TBX10: variants seen among roughly 807,000 people sequenced by gnomAD.
TBX10 encodes the protein T-box transcription factor TBX10.
In TBX10, 26 loss-of-function variants were observed where a neutral mutation model predicts 32.4. The observed-to-expected ratio is 0.80, with a 90% CI of 0.59 to 1.11. TBX10 has a LOEUF of 1.11. Among genes scored for constraint, TBX10 ranks in the 50% most tolerant of loss-of-function variants. The pLI, the probability that TBX10 is intolerant of heterozygous loss-of-function variation, is 0.00. For synonymous variants in TBX10, 195 were observed against 203.1 expected, an observed-to-expected ratio of 0.96 and a Z score of 0.34; for missense variants, 490 against 494.5, an observed-to-expected ratio of 0.99 and a Z score of 0.09.
chr11:67,632,214 G>C, intron 7 of TBX10, 104 bp downstream of exon 7: 1 of 1,329,926 alleles, frequency 7.5e-7, no homozygotes. Context: ...GGGCCCTGTG[G>C]GTTCGCTGAG....
At position 67,634,799 on chromosome 11, in the gene TBX10, C is replaced by T; in HGVS notation, c.377+17G>A. On this transcript the variant is annotated intron_variant, in intron 3 of 7. Coordinates refer to ENST00000335385, the MANE Select transcript of TBX10 (RefSeq NM_005995.5). ...GCACCTGAGACCTGAGCCTTTGCCC[C>T]AGGCCGGTCCCCGCACCTGTATCTC... is the stretch of plus-strand genomic sequence containing the variant. 1.2e-6 allele frequency: 2 copies of T among 1,612,816 alleles called. No homozygotes were observed. The highest frequency in any genetic ancestry group is 2.2e-5 in the East Asian group (1 of 44,882).
rs1220985383 is a variant in TBX10, at chr11:67,634,236, A to G, written c.502T>C (p.Phe168Leu). The change falls in exon 4 of 8, where the codon TTT becomes CTT. Residue 168 changes from phenylalanine to leucine, a missense_variant. Phe to Leu is a conservative substitution (Grantham distance 22). This residue lies in a region of TBX10 where 307 missense variants were observed against 294.9 expected (regional missense o/e 1.04). Transcript: ENST00000335385. ...GAQWMRQIVS[F>L]DKLKLTNNLL... ...TTGTTGGTCAGCTTGAGCTTGTCAA[A>G]GGACACAATCTGGCGCATCCACTGG... The G allele has an allele frequency of 6.2e-7, 1 of 1,613,180 alleles. No individual in the cohort carries two copies. Among genetic ancestry groups the G allele is most frequent in the Non-Finnish European group, 8.5e-7 (1 of 1,179,992 alleles).
upstream of TBX10, among the ~76,000 whole-genome samples, chr11:67,640,953 C>T (rs1039726722): frequency 2.6e-5 from 4 of 152,120 alleles, no homozygotes; most frequent in African/African-American, 4.8e-5. Context: ...GGAGGAGGGC[C>T]GGCCCCTGGC....
At chr11:67,633,403 G>C (rs1855271202) in intron 4 of TBX10, among the ~76,000 whole-genome samples, 1 of 152,066 alleles carries the variant, frequency 6.6e-6, no homozygotes, top group African/African-American at 2.4e-5. Flanking sequence ...CCTGTCCCCT[G>C]TCCCCGCCTT....
chr11:67,632,673 G>T lies in TBX10; in HGVS notation c.706-3C>A. On this transcript the variant is annotated splice_region_variant and splice_polypyrimidine_tract_variant and intron_variant, in intron 5 of 7. Coordinates refer to ENST00000335385, the MANE Select transcript of TBX10 (RefSeq NM_005995.5). ...CTGGCGATTTTCAGCTGGGTGATCT[G>T]CAGGAGACAAAGTGCAGTTGTGGGC... 1 of 1,614,000 alleles carries T rather than the reference G, an allele frequency of 6.2e-7. No homozygotes were observed. The highest frequency in any genetic ancestry group is 2.2e-5 in the East Asian group (1 of 44,888).
rs11227875 is a variant in TBX10, at chr11:67,636,232, C to G, written c.8-969G>C. On this transcript the variant is annotated intron_variant, in intron 1 of 7. Coordinates refer to ENST00000335385, the MANE Select transcript of TBX10 (RefSeq NM_005995.5). ...AAGTAGCTGGGACTATAGGTGCACA[C>G]CACCACACACGGCTACTTTTTTTTT... Among the ~76,000 whole-genome samples, 284 of 144,264 alleles carry G rather than the reference C, an allele frequency of 2.0e-3. 6 individuals are homozygous for G. In the East Asian group the frequency reaches 0.054, roughly 27 times the overall value. The allele number at this position is 144,264 out of a possible 152,430, so 94.6% of individuals were successfully genotyped here.
chr11:67,634,559 A>G (rs889624796), intron 3 of TBX10, among the ~76,000 whole-genome samples, 199 bp from the exon 4 acceptor site: 50 of 152,202 alleles, frequency 3.3e-4, no homozygotes, highest in African/African-American at 1.1e-3. Context: ...GGATGACAGG[A>G]TAACCCCTGC....
upstream of TBX10, among the ~76,000 whole-genome samples, chr11:67,641,679 C>T (rs1855408575): frequency 6.6e-6 from 1 of 152,226 alleles, no homozygotes; most frequent in Non-Finnish European, 1.5e-5. Flanking sequence ...CTCTGGACTC[C>T]AGCAGCCCCA....
intron 1 of TBX10, among the ~76,000 whole-genome samples, chr11:67,638,994 C>T (rs945270457): frequency 1.3e-5 from 2 of 152,206 alleles, no homozygotes; most frequent in African/African-American, 4.8e-5. Context: ...TAGGGGCTCA[C>T]CCGCTGCCCG....
At position 67,634,993 on chromosome 11, in the gene TBX10, C is replaced by T. The variant is rs768837736; in HGVS notation, c.275+3G>A. ...TGCCTCACCCCGCCCCCGCTGCTCACACCTGCCTGCCTTGGTGACGATCAT... is the reference window on the plus strand; with the variant it reads ...TGCCTCACCCCGCCCCCGCTGCTCATACCTGCCTGCCTTGGTGACGATCAT... On this transcript the variant is annotated splice_donor_region_variant and intron_variant, in intron 2 of 7. Coordinates refer to ENST00000335385, the MANE Select transcript of TBX10 (RefSeq NM_005995.5). 3.7e-6 allele frequency: 6 copies of T among 1,613,444 alleles called. No individual in the cohort carries two copies. The highest frequency in any genetic ancestry group is 1.1e-5 in the South Asian group (1 of 91,090).
At chr11:67,636,073 C>CTTTTT (rs60139069) in intron 1 of TBX10, among the ~76,000 whole-genome samples, 10 of 98,006 alleles carry the variant, frequency 1.0e-4, no homozygotes, top group African/African-American at 3.3e-4. Context: ...ATTAGAACTC[C>CTTTTT]TTTTTTTTTT....
chr11:67,639,875 C>T (rs1855381640), upstream of TBX10, among the ~76,000 whole-genome samples: 1 of 152,186 alleles, frequency 6.6e-6, no homozygotes, highest in African/African-American at 2.4e-5. Context: ...AGCTAAGAGC[C>T]CCCCAGCCAT....
chr11:67,634,729 C>T, intron 3 of TBX10, 87 bp downstream of exon 3: 1 of 1,426,888 alleles, frequency 7.0e-7, no homozygotes, highest in Non-Finnish European at 9.9e-7. Context: ...TGGACAGGCC[C>T]CTGCCTCACC....
intron 1 of TBX10, 102 bp downstream of exon 1, chr11:67,639,363 AG>A (rs1855373650): frequency 1.4e-6 from 2 of 1,422,934 alleles, no homozygotes; most frequent in African/African-American, 1.4e-5. Context: ...CCTCTTGTGA[AG>A]GACCTGGGTT....
rs534027572 is a variant in TBX10, at chr11:67,637,567, A to G, written c.7+1899T>C. 3.3e-5 allele frequency among the ~76,000 whole-genome samples: 5 copies of G among 152,308 alleles called. No individual in the cohort carries two copies. The South Asian group carries it at 1.0e-3, about 32-fold the overall frequency. On this transcript the variant is annotated intron_variant, in intron 1 of 7. Coordinates refer to ENST00000335385, the MANE Select transcript of TBX10 (RefSeq NM_005995.5). ...TTAAAACTGGCAAAGGCAGAGGAGA[A>G]CAAAGGAAGGAGGAAGTAACTTATA...
Position 67,639,385 on chromosome 11 carries a change from G to C in TBX10, c.7+81C>G, listed in dbSNP as rs1855373909. 5.5e-5 allele frequency: 68 copies of C among 1,246,528 alleles called. No individual in the cohort carries two copies. In the South Asian group the frequency reaches 8.0e-4, roughly 15 times the overall value. 77.2% of individuals were successfully genotyped at this position (1,246,528 alleles called of 1,614,324 possible). A position where few individuals can be genotyped will look rare whatever the true frequency, so the allele number is the denominator to read the frequency against. On this transcript the variant is annotated intron_variant, in intron 1 of 7. Coordinates refer to ENST00000335385, the MANE Select transcript of TBX10 (RefSeq NM_005995.5). ...TGAAGGACCTGGGTTCAGCGGGGCT[G>C]TCTTGGTTCCCACCCTGCCCACCCA...
Position 67,631,811 on chromosome 11 carries a change from C to A in TBX10, c.952G>T (p.Ala318Ser). ...QLLPPPEVLL[A>S]PATYRPVTYQ... ...GTGACAGGCCTGTAGGTGGCCGGGG[C>A]CAGCAGGACCTCAGGTGGGGGCAGC... Residue 318 changes from alanine to serine, a missense_variant, in exon 8 of 8, where the codon GCC becomes TCC. Physicochemically the swap from Ala to Ser is moderately conservative, Grantham distance 99. Coordinates refer to ENST00000335385, the MANE Select transcript of TBX10 (RefSeq NM_005995.5). 1 of 1,588,982 alleles carries A rather than the reference C, an allele frequency of 6.3e-7. No individual in the cohort carries two copies. The highest frequency in any genetic ancestry group is 8.6e-7 in the Non-Finnish European group (1 of 1,168,188).
intron 1 of TBX10, 73 bp downstream of exon 1, chr11:67,639,393 T>TGCCCCCCCCCCCCCCCCCCCCCCCCC: frequency 1.4e-6 from 1 of 726,924 alleles, no homozygotes; most frequent in Non-Finnish European, 2.5e-6. Flanking sequence ...CTGTCTTGGT[T>TGCCCCCCCCCCCCCCCCCCCCCCCCC]CCCACCCTGC....
intron 1 of TBX10, among the ~76,000 whole-genome samples, chr11:67,638,490 G>A (rs1188285332): frequency 6.6e-6 from 1 of 152,178 alleles, no homozygotes; most frequent in East Asian, 1.9e-4. Context: ...GATGCCTGGA[G>A]CAGAGGGGGG....
Sources: allele counts gnomAD v4.1 joint callset (sites outside exome capture counted in the v4.1 genomes callset), GRCh38; gene constraint gnomAD v4.1.1; regional missense constraint gnomAD v4.1.1; transcripts MANE v1.5; gene names NCBI Gene and HGNC (gene_info 2026-07-23, HGNC 2026-07-21).